The following MCPH1 variants were observed in gnomAD, a reference collection of about 807,000 sequenced individuals.
The protein encoded by MCPH1 is microcephalin.
A neutral mutation model predicts 84.5 loss-of-function variants in MCPH1; 104 were observed. The observed-to-expected ratio is 1.23, with a 90% CI of 1.05 to 1.45. The LOEUF (loss-of-function observed/expected upper bound fraction) is 1.45. Among genes scored for constraint, MCPH1 ranks in the 40% most tolerant of loss-of-function variants. The pLI is 0.00. For missense variants in MCPH1, 1,498 were observed against 1,005.7 expected (o/e 1.49, Z -6.62); for synonymous variants, 514 against 366.8 (o/e 1.40, Z -4.58).
intron 11 of MCPH1, among the ~76,000 whole-genome samples, chr8:6,481,124 G>C (rs1253962148): frequency 6.6e-6 from 1 of 152,138 alleles, no homozygotes; most frequent in Non-Finnish European, 1.5e-5. Flanking sequence ...TAGCCTCTAA[G>C]ATAAAGCAGA....
At chr8:6,502,710 C>T (rs1586157808) in intron 12 of MCPH1, 1 of 204,128 alleles carries the variant, frequency 4.9e-6, no homozygotes, top group South Asian at 1.1e-4. Flanking sequence ...AAACAGTGCT[C>T]AGAAGAATGC....
rs1257552788 is a variant in MCPH1, at chr8:6,455,142, G to C, written c.1826-1G>C. 6.2e-7 allele frequency: 1 copy of C among 1,612,392 alleles called. No individual in the cohort carries two copies. The highest frequency in any genetic ancestry group is 8.5e-7 in the Non-Finnish European group (1 of 1,178,658). On this transcript the variant is annotated splice_acceptor_variant, in intron 8 of 13. Coordinates refer to ENST00000344683, the MANE Select transcript of MCPH1 (RefSeq NM_024596.5). LOFTEE classifies it high-confidence loss of function. ...TAATTTTTAATCCCCTTGGGTTTTAGGTGTTAAAAATAGACCAACAAGGCA... is the reference window on the plus strand; with the variant it reads ...TAATTTTTAATCCCCTTGGGTTTTACGTGTTAAAAATAGACCAACAAGGCA...
Position 6,445,150 on chromosome 8 carries a change from C to T in MCPH1, c.1428C>T (p.Phe476=), listed in dbSNP as rs2920676. ...CCAGAACAGTTGACATTACCAATTT[C>T]ACAGCAAAAACCATCTCCAGTCCTC... ...KKTRTVDITN[F]TAKTISSPRK... Residue 476 remains phenylalanine, a synonymous_variant, in exon 8 of 14, where the codon TTC becomes TTT. Coordinates refer to ENST00000344683, the MANE Select transcript of MCPH1 (RefSeq NM_024596.5). 0.052 allele frequency: 83,800 copies of T among 1,614,124 alleles called. 8,961 individuals are homozygous for T. Among genetic ancestry groups the T allele is most frequent in the African/African-American group, 0.42 (31,165 of 74,970 alleles).
intron 12 of MCPH1, chr8:6,503,396 A>C: frequency 2.4e-6 from 2 of 828,538 alleles, no homozygotes; most frequent in Non-Finnish European, 3.9e-6. Context: ...TGGTGAGTAT[A>C]GGATGTGCAC....
chr8:6,533,657 C>T (rs1819963852), intron 12 of MCPH1, among the ~76,000 whole-genome samples: 2 of 145,508 alleles, frequency 1.4e-5, no homozygotes, highest in East Asian at 2.1e-4. Context: ...CGTGAGTGCA[C>T]AAACCATGTT....
At chr8:6,430,169 C>G (rs2916765) in intron 3 of MCPH1, among the ~76,000 whole-genome samples, 75 of 152,304 alleles carry the variant, frequency 4.9e-4, no homozygotes, top group African/African-American at 1.7e-3. Context: ...GTTATGCAAC[C>G]TGTTGCTGCT....
chr8:6,540,191 C>T (rs1206768717), intron 12 of MCPH1, among the ~76,000 whole-genome samples: 1 of 152,140 alleles, frequency 6.6e-6, no homozygotes, highest in Non-Finnish European at 1.5e-5. Context: ...ATTTTTTTCA[C>T]ATATATTTGA....
chr8:6,513,054 A>T (rs1815492161), intron 12 of MCPH1, among the ~76,000 whole-genome samples: 1 of 152,256 alleles, frequency 6.6e-6, no homozygotes, highest in Non-Finnish European at 1.5e-5. Flanking sequence ...GTGACATATT[A>T]TCATGGGAAC....
At chr8:6,461,587 G>T (rs553687810) in intron 9 of MCPH1, among the ~76,000 whole-genome samples, 3 of 151,494 alleles carry the variant, frequency 2.0e-5, no homozygotes, top group South Asian at 2.1e-4. Flanking sequence ...TGATGTGCCC[G>T]CCTCAGCCTC....
rs967117816 is a variant in MCPH1, at chr8:6,625,674, G to A, written c.2452+3983G>A. 2.1e-5 allele frequency: 21 copies of A among 984,714 alleles called. No individual in the cohort carries two copies. In the African/African-American group the frequency reaches 3.3e-4, roughly 16 times the overall value. 61.0% of individuals were successfully genotyped at this position (984,714 alleles called of 1,614,324 possible). A position where few individuals can be genotyped will look rare whatever the true frequency, so the allele number is the denominator to read the frequency against. ...GAGCCGGGCGTGGTGGCCCATGCCT[G>A]TTGTCTTAGCTACGTGGGAGCTTGG... is the stretch of plus-strand genomic sequence containing the variant. On this transcript the variant is annotated intron_variant, in intron 13 of 13. Coordinates refer to ENST00000344683, the MANE Select transcript of MCPH1 (RefSeq NM_024596.5).
At chr8:6,523,809 G>C (rs1463094049) in intron 12 of MCPH1, among the ~76,000 whole-genome samples, 1 of 151,624 alleles carries the variant, frequency 6.6e-6, no homozygotes. Context: ...GGCTGGTCTC[G>C]AACTCCTGAC....
chr8:6,559,360 C>G (rs2922808), intron 12 of MCPH1, among the ~76,000 whole-genome samples: 20,463 of 152,044 alleles, frequency 0.13, 3,836 homozygotes, highest in African/African-American at 0.42. Context: ...GTTTGAAGAG[C>G]ATAACTGCAT....
intron 12 of MCPH1, among the ~76,000 whole-genome samples, chr8:6,603,930 T>A (rs931175860): frequency 1.3e-5 from 2 of 152,200 alleles, no homozygotes; most frequent in Non-Finnish European, 2.9e-5. Flanking sequence ...CAAAAATAAT[T>A]TGGTGAAGAT....
At chr8:6,476,734 T>A (rs943013617) in intron 9 of MCPH1, among the ~76,000 whole-genome samples, 1 of 152,200 alleles carries the variant, frequency 6.6e-6, no homozygotes, top group African/African-American at 2.4e-5. Context: ...TCCTTCTCAT[T>A]TACTTCACCT....
intron 12 of MCPH1, among the ~76,000 whole-genome samples, chr8:6,566,572 A>AT (rs1334247425): frequency 6.6e-6 from 1 of 151,984 alleles, no homozygotes; most frequent in Non-Finnish European, 1.5e-5. Flanking sequence ...CACGGTGACC[A>AT]TGTGTGATCA....
chr8:6,527,981 C>A (rs991700839), intron 12 of MCPH1, among the ~76,000 whole-genome samples: 1 of 150,784 alleles, frequency 6.6e-6, no homozygotes, highest in Non-Finnish European at 1.5e-5. Context: ...CTGCAACCTC[C>A]GCCTCCCGGG....
At chr8:6,483,462 G>C (rs1017677339) in intron 11 of MCPH1, among the ~76,000 whole-genome samples, 1 of 152,200 alleles carries the variant, frequency 6.6e-6, no homozygotes, top group Non-Finnish European at 1.5e-5. Flanking sequence ...TGTGGTATTG[G>C]TGGACACACA....
rs151268198 is a variant in MCPH1, at chr8:6,610,745, G to A, written c.2215-10709G>A. ...TTTCCCAGAGCCTGGGGGTCTCCCA[G>A]GCCAGAAGTTGACAGAACTGTCTTC... On this transcript the variant is annotated intron_variant, in intron 12 of 13. Coordinates refer to ENST00000344683, the MANE Select transcript of MCPH1 (RefSeq NM_024596.5). Among the ~76,000 whole-genome samples, 389 of 152,114 alleles carry A rather than the reference G, an allele frequency of 2.6e-3. 3 individuals are homozygous for A. The highest frequency in any genetic ancestry group is 8.7e-3 in the African/African-American group (359 of 41,462).
intron 12 of MCPH1, among the ~76,000 whole-genome samples, chr8:6,565,497 A>G (rs55993125): frequency 0.063 from 9,654 of 152,128 alleles, 353 homozygotes; most frequent in East Asian, 0.12. Context: ...CTGGCATCCA[A>G]TGATCCTCTT....
Sources: gnomAD v4.1 joint callset for allele counts (sites outside exome capture counted in the v4.1 genomes callset) on GRCh38, gnomAD v4.1.1 for gene constraint, MANE v1.5 for transcripts, NCBI Gene and HGNC (gene_info 2026-07-23, HGNC 2026-07-21) for gene names.